Variants in ABHD18 observed in about 807,000 individuals in gnomAD.
ABHD18 encodes the protein cardiolipin-specific deacylase, mitochondrial.
In ABHD18, 55 loss-of-function variants were observed where a neutral mutation model predicts 65.9. That is an observed-to-expected ratio of 0.84 (90% CI 0.67 to 1.05). The LOEUF (loss-of-function observed/expected upper bound fraction) is 1.05. Ranked by LOEUF, ABHD18 falls within the 50% of genes least tolerant of loss-of-function variation. ABHD18 has a pLI of 0.00. For synonymous variants in ABHD18, 181 were observed against 180.2 expected, an observed-to-expected ratio of 1.00 and a Z score of -0.04; for missense variants, 533 against 558.5, an observed-to-expected ratio of 0.95 and a Z score of 0.46.
At position 127,965,432 on chromosome 4, in the gene ABHD18, T is replaced by G. The variant is rs1422907540; in HGVS notation, c.-192T>G. 5.5e-6 allele frequency: 3 copies of G among 545,604 alleles called. No individual in the cohort carries two copies. The African/African-American group carries it at 5.7e-5, about 10-fold the overall frequency. 33.8% of individuals were successfully genotyped at this position (545,604 alleles called of 1,614,324 possible). On this transcript the variant is annotated 5_prime_UTR_variant, in exon 1 of 13. Transcript: ENST00000645843. ...AACTGCCGCGCCGCCCTGCTCCGGGTTTGTCTTCCTCCCTCCGTTTCTCCT... is the reference window on the plus strand; with the variant it reads ...AACTGCCGCGCCGCCCTGCTCCGGGGTTGTCTTCCTCCCTCCGTTTCTCCT...
intron 6 of ABHD18, among the ~76,000 whole-genome samples, 195 bp from the exon 7 acceptor site, chr4:128,011,477 TG>T (rs1268913505): frequency 2.7e-4 from 36 of 131,312 alleles, no homozygotes; most frequent in Non-Finnish European, 1.0e-4. Flanking sequence ...TCAGTAAAGC[TG>T]GTTTTTTTTT....
chr4:127,996,402 C>T (rs185972570), intron 4 of ABHD18, among the ~76,000 whole-genome samples: 14 of 151,910 alleles, frequency 9.2e-5, no homozygotes, highest in South Asian at 2.1e-4. Context: ...ATGGCGACCC[C>T]GAGCCGCAAA....
At position 128,023,809 on chromosome 4, in the gene ABHD18, A is replaced by G. The variant is rs567245778; in HGVS notation, c.801+2571A>G. Among the ~76,000 whole-genome samples, 5 of 152,300 alleles carry G rather than the reference A, an allele frequency of 3.3e-5. No individual in the cohort carries two copies. In the South Asian group the frequency reaches 1.0e-3, roughly 32 times the overall value. The stretch of plus-strand genomic sequence containing the variant: ...TGAGGCAGGAGAATGGCGTGAACCC[A>G]GAAGGCAGAGCTTGCAGTAAGCCAA... On this transcript the variant is annotated intron_variant, in intron 10 of 12. Transcript: ENST00000645843.
Position 127,984,186 on chromosome 4 carries a change from C to T in ABHD18, c.93-153C>T, listed in dbSNP as rs557674287. Among the ~76,000 whole-genome samples the T allele has an allele frequency of 3.3e-5, 5 of 152,304 alleles. No individual in the cohort carries two copies. The South Asian group carries it at 6.2e-4, about 19-fold the overall frequency. ...GTTCAGTTTGGGAAAAAACAACAGC[C>T]TAATCGCTTCAGTGATCAAAATTAA... On this transcript the variant is annotated intron_variant, in intron 2 of 12. Transcript: ENST00000645843.
At chr4:128,011,812 G>T (rs910797042) in intron 7 of ABHD18, 112 bp downstream of exon 7, 2 of 387,082 alleles carry the variant, frequency 5.2e-6, no homozygotes, top group South Asian at 4.0e-5. Flanking sequence ...AAATATTATG[G>T]GGGGGGGGAG....
In ABHD18 at chr4:127,986,677, A is replaced by C. The variant is rs565061962; in HGVS notation, c.177+2254A>C. 1.2e-3 allele frequency among the ~76,000 whole-genome samples: 179 copies of C among 151,842 alleles called. 2 individuals are homozygous for C. The highest frequency in any genetic ancestry group is 1.0e-3 in the Non-Finnish European group (71 of 68,026). On this transcript the variant is annotated intron_variant, in intron 3 of 12. Coordinates refer to ENST00000645843, the MANE Select transcript of ABHD18 (RefSeq NM_001358451.3). Reference sequence around the variant, plus strand: ...AGTGACTATACTATTTTATATTCCCACCAGCAGTGAATAAACATTCCAATT... The same window carrying C: ...AGTGACTATACTATTTTATATTCCCCCCAGCAGTGAATAAACATTCCAATT...
At chr4:128,015,202 G>A (rs1755284172) in intron 7 of ABHD18, among the ~76,000 whole-genome samples, 1 of 152,042 alleles carries the variant, frequency 6.6e-6, no homozygotes. Context: ...CCATGATCAA[G>A]CCACTTCACT....
chr4:128,039,930 G>A lies in ABHD18; in HGVS notation c.*4117G>A, dbSNP rs1201391294. On this transcript the variant is annotated 3_prime_UTR_variant, in exon 13 of 13. Coordinates refer to ENST00000645843, the MANE Select transcript of ABHD18 (RefSeq NM_001358451.3). The stretch of plus-strand genomic sequence containing the variant: ...TTTCCCCAAATATGTGTGATCTGAG[G>A]GAAATAAACATTCTTACAGACCATA... 4.0e-5 allele frequency: 6 copies of A among 151,832 alleles called. No homozygotes were observed. The highest frequency in any genetic ancestry group is 1.5e-4 in the African/African-American group (6 of 41,318). 9.4% of individuals were successfully genotyped at this position (151,832 alleles called of 1,614,324 possible).
chr4:127,972,729 G>C (rs72616976), intron 1 of ABHD18, among the ~76,000 whole-genome samples: 12,136 of 151,650 alleles, frequency 0.08, 972 homozygotes, highest in East Asian at 0.27. Flanking sequence ...TATTATTCCA[G>C]AGTGACATGC....
At chr4:127,967,884 G>A (rs1310640594) in intron 1 of ABHD18, among the ~76,000 whole-genome samples, 1 of 151,976 alleles carries the variant, frequency 6.6e-6, no homozygotes, top group Non-Finnish European at 1.5e-5. Flanking sequence ...ACTCCATTTG[G>A]TGCATTTCCT....
chr4:128,015,574 A>G (rs930956470), intron 7 of ABHD18, among the ~76,000 whole-genome samples: 1 of 152,114 alleles, frequency 6.6e-6, no homozygotes, highest in Non-Finnish European at 1.5e-5. Flanking sequence ...AAGCATGACT[A>G]TGATCTGTTT....
intron 4 of ABHD18, among the ~76,000 whole-genome samples, chr4:127,996,457 A>G (rs1343434641): frequency 6.6e-6 from 1 of 152,146 alleles, no homozygotes; most frequent in Non-Finnish European, 1.5e-5. Context: ...GAGGGGGTGT[A>G]CGAACAGGGA....
Position 127,991,310 on chromosome 4 carries a change from T to TC in ABHD18, c.278+1491dup, listed in dbSNP as rs563414328. ...GAGAGCAGTGGTGCTCACTGCACCC[T>TC]CCGCCTCCCGGGTTCAGGTGATTCT... On this transcript the variant is annotated intron_variant, in intron 4 of 12. Coordinates refer to ENST00000645843, the MANE Select transcript of ABHD18 (RefSeq NM_001358451.3). Among the ~76,000 whole-genome samples the TC allele has an allele frequency of 1.1e-4, 16 of 152,318 alleles. No homozygotes were observed. The East Asian group carries it at 2.7e-3, about 26-fold the overall frequency.
At chr4:127,973,254 G>A (rs752300937) in intron 1 of ABHD18, among the ~76,000 whole-genome samples, 6 of 152,110 alleles carry the variant, frequency 3.9e-5, no homozygotes, top group East Asian at 1.9e-4. Context: ...GGACTCAAGC[G>A]GTCCTCTCAC....
intron 1 of ABHD18, among the ~76,000 whole-genome samples, chr4:127,979,337 C>T (rs1464338098): frequency 1.3e-5 from 2 of 151,844 alleles, no homozygotes; most frequent in African/African-American, 4.8e-5. Flanking sequence ...AGGTGGATCA[C>T]GAGGTCAGGA....
At chr4:127,987,448 G>T (rs956172228) in intron 3 of ABHD18, among the ~76,000 whole-genome samples, 7 of 151,716 alleles carry the variant, frequency 4.6e-5, no homozygotes, top group African/African-American at 1.7e-4. Flanking sequence ...GGTGGCTCAC[G>T]CCTGTAATCC....
chr4:127,999,599 CTGCCTATT>C lies in ABHD18; in HGVS notation c.279-9318_279-9311del, dbSNP rs141228092. On this transcript the variant is annotated intron_variant, in intron 4 of 12. Transcript: ENST00000645843. ...GATGGGATTATTATTCTTTTGAAGG[CTGCCTATT>C]TGTATCTTTTTCCTGTTTTTTAGTG... 8.7e-3 allele frequency among the ~76,000 whole-genome samples: 1,319 copies of C among 152,160 alleles called. 22 individuals carry two copies. Among genetic ancestry groups the C allele is most frequent in the African/African-American group, 0.03 (1,234 of 41,524 alleles).
At chr4:127,984,746 G>C (rs113728607) in intron 3 of ABHD18, among the ~76,000 whole-genome samples, 18 of 152,284 alleles carry the variant, frequency 1.2e-4, no homozygotes, top group African/African-American at 3.8e-4. Context: ...TGTAATCCCA[G>C]CTACTCGGGA....
intron 10 of ABHD18, among the ~76,000 whole-genome samples, chr4:128,026,578 A>ACT (rs1757399471): frequency 6.6e-6 from 1 of 152,088 alleles, no homozygotes; most frequent in Non-Finnish European, 1.5e-5. Context: ...CTCTTAATAA[A>ACT]TTAAAGTGAT....
Sources: gnomAD v4.1 joint callset for allele counts (sites outside exome capture counted in the v4.1 genomes callset) on GRCh38, gnomAD v4.1.1 for gene constraint, MANE v1.5 for transcripts, NCBI Gene and HGNC (gene_info 2026-07-23, HGNC 2026-07-21) for gene names.